The following DGKG variants were observed in gnomAD, a reference collection of about 807,000 sequenced individuals.
DGKG encodes the protein DAG kinase gamma.
Under a neutral mutation model 105.3 loss-of-function variants are expected in DGKG, and 78 were observed. The ratio of observed to expected loss-of-function variants is 0.74; its 90% CI spans 0.62 to 0.89. The LOEUF (loss-of-function observed/expected upper bound fraction) is 0.89. Among genes scored for constraint, DGKG ranks in the 40% least tolerant of loss-of-function variants. DGKG has a pLI of 0.00. For synonymous variants in DGKG, 346 were observed against 367.1 expected (o/e 0.94, Z 0.66); for missense variants, 958 against 1,020.1 (o/e 0.94, Z 0.83).
intron 1 of DGKG, among the ~76,000 whole-genome samples, chr3:186,357,316 G>T (rs1445905596): frequency 1.3e-5 from 2 of 152,064 alleles, no homozygotes; most frequent in Non-Finnish European, 2.9e-5. Context: ...GCTTTCAAAA[G>T]TCCCCTTTCT....
intron 1 of DGKG, among the ~76,000 whole-genome samples, chr3:186,349,762 G>GT (rs1054634658): frequency 1.3e-5 from 2 of 152,020 alleles, no homozygotes; most frequent in African/African-American, 2.4e-5. Context: ...ACTTTTTAAA[G>GT]TTTTTTTACA....
intron 19 of DGKG, among the ~76,000 whole-genome samples, chr3:186,250,991 C>A (rs1721196272): frequency 6.6e-6 from 1 of 152,056 alleles, no homozygotes; most frequent in Non-Finnish European, 1.5e-5. Flanking sequence ...GGAAGCAGTG[C>A]CCACTCCAAT....
At chr3:186,276,526 GTATTTC>G (rs1249407258) in intron 9 of DGKG, among the ~76,000 whole-genome samples, 1 of 152,204 alleles carries the variant, frequency 6.6e-6, no homozygotes, top group African/African-American at 2.4e-5. Context: ...TAAAAACAAT[GTATTTC>G]TCCTATCAAC....
Position 186,275,062 on chromosome 3 carries a change from A to C in DGKG, c.910+485T>G, listed in dbSNP as rs1040778670. Among the ~76,000 whole-genome samples, 7 of 152,194 alleles carry C rather than the reference A, an allele frequency of 4.6e-5. No homozygotes were observed. In the South Asian group the frequency reaches 8.3e-4, roughly 18 times the overall value. On this transcript the variant is annotated intron_variant, in intron 10 of 24. Coordinates refer to ENST00000265022, the MANE Select transcript of DGKG (RefSeq NM_001346.3). ...TTTCCAGCACCTTAGTATTTTTAGT[A>C]GGGACAAGGTTTCTCCATGTTGGCA...
At chr3:186,202,310 T>G (rs1203010347) in intron 21 of DGKG, among the ~76,000 whole-genome samples, 1 of 152,264 alleles carries the variant, frequency 6.6e-6, no homozygotes, top group Non-Finnish European at 1.5e-5. Flanking sequence ...TTCTTCTACC[T>G]TCTTAATTCC....
chr3:186,180,211 C>A (rs748834396), intron 22 of DGKG, among the ~76,000 whole-genome samples: 2 of 151,840 alleles, frequency 1.3e-5, no homozygotes, highest in African/African-American at 4.8e-5. Flanking sequence ...AACATGGGTA[C>A]GGGGAGGAGG....
chr3:186,282,705 G>T (rs1379331052), intron 7 of DGKG, among the ~76,000 whole-genome samples: 1 of 151,914 alleles, frequency 6.6e-6, no homozygotes, highest in Admixed American at 6.6e-5. Flanking sequence ...TAGTAGAGAC[G>T]GGGTTTTGCC....
At chr3:186,222,018 G>A (rs1344531164) in intron 20 of DGKG, among the ~76,000 whole-genome samples, 2 of 152,186 alleles carry the variant, frequency 1.3e-5, no homozygotes, top group Admixed American at 6.5e-5. Flanking sequence ...TGATCCTCAC[G>A]TCTACCCCCT....
At chr3:186,291,297 C>A (rs1382290426) in intron 5 of DGKG, among the ~76,000 whole-genome samples, 4 of 152,170 alleles carry the variant, frequency 2.6e-5, no homozygotes, top group African/African-American at 4.8e-5. Context: ...CATGAACATG[C>A]AAATCAATAT....
chr3:186,211,699 C>T (rs1719047261), intron 21 of DGKG, 96 bp downstream of exon 21: 2 of 901,924 alleles, frequency 2.2e-6, no homozygotes, highest in South Asian at 1.4e-5. Flanking sequence ...CTCTGGGTCA[C>T]CTCTTAAGGT....
At chr3:186,166,627 A>ATG (rs5855082) in intron 22 of DGKG, among the ~76,000 whole-genome samples, 17,518 of 149,844 alleles carry the variant, frequency 0.12, 1,049 homozygotes, top group Middle Eastern at 0.24. Context: ...TGGGCTATAA[A>ATG]TGTGTGTGTG....
intron 11 of DGKG, among the ~76,000 whole-genome samples, chr3:186,269,413 A>C (rs1317969752): frequency 1.3e-5 from 2 of 152,222 alleles, no homozygotes; most frequent in Non-Finnish European, 2.9e-5. Context: ...TGGTATAAGA[A>C]GTCCCACCTC....
intron 1 of DGKG, among the ~76,000 whole-genome samples, chr3:186,355,650 C>G (rs912609389): frequency 2.6e-5 from 4 of 151,818 alleles, no homozygotes; most frequent in Non-Finnish European, 4.4e-5. Context: ...ACCAGCACCA[C>G]CACCAGCATC....
intron 2 of DGKG, among the ~76,000 whole-genome samples, chr3:186,315,208 G>A (rs143637902): frequency 1.3e-5 from 2 of 152,214 alleles, no homozygotes; most frequent in East Asian, 3.9e-4. Flanking sequence ...AAGTCAATTC[G>A]ATTCCATCTT....
chr3:186,260,549 G>T, intron 15 of DGKG, 36 bp from the exon 16 acceptor site: 1 of 1,354,204 alleles, frequency 7.4e-7, no homozygotes, highest in Non-Finnish European at 1.1e-6. Context: ...GAGAGAGAGA[G>T]ACAGAGAAGG....
At chr3:186,249,408 A>C (rs1024521594) in intron 19 of DGKG, among the ~76,000 whole-genome samples, 1 of 152,218 alleles carries the variant, frequency 6.6e-6, no homozygotes, top group Non-Finnish European at 1.5e-5. Flanking sequence ...CTGTTTTCTT[A>C]TTCATAAAAT....
At chr3:186,268,963 G>T in intron 11 of DGKG, 46 bp from the exon 12 acceptor site, 1 of 1,393,232 alleles carries the variant, frequency 7.2e-7, no homozygotes. Flanking sequence ...GCAGAACCAT[G>T]TCCCCGGGGC....
intron 23 of DGKG, 108 bp from the exon 24 acceptor site, chr3:186,161,771 G>A: frequency 6.5e-7 from 1 of 1,529,810 alleles, no homozygotes; most frequent in South Asian, 1.2e-5. Flanking sequence ...GCCTACCTAA[G>A]TGTGGTTCTC....
At chr3:186,167,804 T>C (rs1250724538) in intron 22 of DGKG, among the ~76,000 whole-genome samples, 1 of 147,498 alleles carries the variant, frequency 6.8e-6, no homozygotes, top group Non-Finnish European at 1.5e-5. Flanking sequence ...CACTCACTCA[T>C]TCAACAGTTA....
Sources: gnomAD v4.1 joint callset for allele counts (sites outside exome capture counted in the v4.1 genomes callset) on GRCh38, gnomAD v4.1.1 for gene constraint, MANE v1.5 for transcripts, NCBI Gene and HGNC (gene_info 2026-07-23, HGNC 2026-07-21) for gene names.